The following NEK6 variants were observed in gnomAD, a reference collection of about 807,000 sequenced individuals.
NEK6 encodes the protein serine/threonine-protein kinase Nek6.
NEK6 carries 27 observed loss-of-function variants against 43.5 expected under a neutral mutation model. The observed-to-expected ratio is 0.62, with a 90% CI of 0.46 to 0.86. The LOEUF (loss-of-function observed/expected upper bound fraction) is 0.86. Ranked by LOEUF, NEK6 falls within the 40% of genes least tolerant of loss-of-function variation. The pLI, the probability that NEK6 is intolerant of heterozygous loss-of-function variation, is 0.00. For synonymous variants in NEK6, 167 were observed against 164.1 expected, an observed-to-expected ratio of 1.02 and a Z score of -0.14; for missense variants, 318 against 414.4, an observed-to-expected ratio of 0.77 and a Z score of 2.02.
chr9:124,280,093 G>A (rs1256845952), intron 1 of NEK6, among the ~76,000 whole-genome samples: 1 of 152,256 alleles, frequency 6.6e-6, no homozygotes, highest in Non-Finnish European at 1.5e-5. Flanking sequence ...GTCAGCTGGG[G>A]CCTCTCTCAC....
At chr9:124,309,433 C>T (rs1476163896) in intron 2 of NEK6, among the ~76,000 whole-genome samples, 1 of 152,212 alleles carries the variant, frequency 6.6e-6, no homozygotes, top group Non-Finnish European at 1.5e-5. Flanking sequence ...AGTAAGAAGC[C>T]TGGTCTTCCA....
intron 8 of NEK6, 81 bp downstream of exon 8, chr9:124,339,746 AG>A: frequency 9.6e-7 from 1 of 1,039,272 alleles, no homozygotes; most frequent in Non-Finnish European, 1.5e-6. Flanking sequence ...TCACCCTACC[AG>A]CTCAGGGTTG....
At position 124,342,956 on chromosome 9, in the gene NEK6, G is replaced by A. The variant is rs1051080279; in HGVS notation, c.717+3291G>A. The stretch of plus-strand genomic sequence containing the variant: ...GTGCCAGGCCCTCCACTTGAGAACC[G>A]GCCCTGTGGTTCCCAGCCCCGTTCC... On this transcript the variant is annotated intron_variant, in intron 8 of 9. Coordinates refer to ENST00000320246, the MANE Select transcript of NEK6 (RefSeq NM_014397.6). Among the ~76,000 whole-genome samples, 4 of 152,094 alleles carry A rather than the reference G, an allele frequency of 2.6e-5. No individual in the cohort carries two copies. The South Asian group carries it at 6.2e-4, about 24-fold the overall frequency.
rs769271234 is a variant in NEK6, at chr9:124,339,551, C to T, written c.623-20C>T. 9 of 1,581,048 alleles carry T rather than the reference C, an allele frequency of 5.7e-6. No individual in the cohort carries two copies. Among genetic ancestry groups the T allele is most frequent in the South Asian group, 1.1e-5 (1 of 90,388 alleles). ...GCCCTACATGGAGCATAAGCAGCCCCGCCCCTTGCTGTGTTGCAGTGGGGA... is the reference window on the plus strand; with the variant it reads ...GCCCTACATGGAGCATAAGCAGCCCTGCCCCTTGCTGTGTTGCAGTGGGGA... On this transcript the variant is annotated intron_variant, in intron 7 of 9. Coordinates refer to ENST00000320246, the MANE Select transcript of NEK6 (RefSeq NM_014397.6).
chr9:124,271,674 C>T lies in NEK6; in HGVS notation c.-30+13589C>T, dbSNP rs937169173. On this transcript the variant is annotated intron_variant, in intron 1 of 9. Transcript: ENST00000320246. ...CCCCAGAGTTAGTGCTCTTTGCACA[C>T]GAATCCCAGGCACACTGGCTGGCTG... Among the ~76,000 whole-genome samples, 5 of 152,352 alleles carry T rather than the reference C, an allele frequency of 3.3e-5. No homozygotes were observed. In the South Asian group the frequency reaches 6.2e-4, roughly 19 times the overall value.
Position 124,353,277 on chromosome 9 carries a change from C to G in NEK6, c.*2330C>G. Reference sequence around the variant, plus strand: ...GGTAGGTATCGATGGTCACCTGAAGCCTCAAGGGAGTCCACTCTGACTTCT... The same window carrying G: ...GGTAGGTATCGATGGTCACCTGAAGGCTCAAGGGAGTCCACTCTGACTTCT... On this transcript the variant is annotated 3_prime_UTR_variant, in exon 10 of 10. Transcript: ENST00000320246. 2.9e-6 allele frequency: 1 copy of G among 347,568 alleles called. No individual in the cohort carries two copies. Among genetic ancestry groups the G allele is most frequent in the Non-Finnish European group, 5.2e-6 (1 of 190,878 alleles). The allele number at this position is 347,568 out of a possible 1,614,324, so 21.5% of individuals were successfully genotyped here.
intron 1 of NEK6, among the ~76,000 whole-genome samples, chr9:124,287,432 T>A (rs1832216150): frequency 6.6e-6 from 1 of 152,190 alleles, no homozygotes; most frequent in Admixed American, 6.5e-5. Flanking sequence ...CCCCATCTCC[T>A]CATCTCAAAA....
intron 1 of NEK6, among the ~76,000 whole-genome samples, chr9:124,299,341 G>A (rs1056085548): frequency 2.0e-5 from 3 of 152,236 alleles, no homozygotes; most frequent in Admixed American, 2.0e-4. Context: ...GTCTAGGGGT[G>A]CAGCTGGAAG....
chr9:124,264,488 G>A (rs762490189), intron 1 of NEK6, among the ~76,000 whole-genome samples: 1 of 152,166 alleles, frequency 6.6e-6, no homozygotes, highest in Non-Finnish European at 1.5e-5. Context: ...CTGCTAAGAG[G>A]TACCATGTGA....
intron 2 of NEK6, among the ~76,000 whole-genome samples, chr9:124,307,207 G>A (rs990064308): frequency 2.0e-5 from 3 of 152,064 alleles, no homozygotes; most frequent in African/African-American, 7.2e-5. Flanking sequence ...GCAGGGTGGG[G>A]GGTGTTTGTG....
intron 7 of NEK6, among the ~76,000 whole-genome samples, chr9:124,329,285 AAG>A (rs1828839655): frequency 6.6e-6 from 1 of 152,094 alleles, no homozygotes; most frequent in African/African-American, 2.4e-5. Flanking sequence ...GAAGCTGTCA[AAG>A]AGAAGAGTTA....
rs967469519 is a variant in NEK6 at position 124,275,302 on chromosome 9, C to T, written c.-30+17217C>T. On this transcript the variant is annotated intron_variant, in intron 1 of 9. Transcript: ENST00000320246. The surrounding 1 kb of genome is among the most constrained non-coding windows in gnomAD (Gnocchi z 4.4). ...CATTTCATCCACGTCACTAACTTGC[C>T]GGATGTCTTTGAGTCATGGTTTCAC... 3.3e-5 allele frequency among the ~76,000 whole-genome samples: 5 copies of T among 152,196 alleles called. No individual in the cohort carries two copies. The South Asian group carries it at 8.3e-4, about 25-fold the overall frequency.
chr9:124,313,516 C>T (rs1051238543), intron 3 of NEK6, among the ~76,000 whole-genome samples: 2 of 152,066 alleles, frequency 1.3e-5, no homozygotes, highest in African/African-American at 4.8e-5. Context: ...TACAGGCGTG[C>T]ACCACCACAC....
At chr9:124,330,414 G>C (rs1393598692) in intron 7 of NEK6, among the ~76,000 whole-genome samples, 1 of 152,190 alleles carries the variant, frequency 6.6e-6, no homozygotes, top group Non-Finnish European at 1.5e-5. Context: ...GACAAATCAC[G>C]GGGCTGGGAG....
intron 1 of NEK6, among the ~76,000 whole-genome samples, chr9:124,295,054 C>G (rs1238770010): frequency 6.6e-6 from 1 of 152,198 alleles, no homozygotes; most frequent in Non-Finnish European, 1.5e-5. Context: ...GTGTGGCCCC[C>G]AATCAGCTGG....
chr9:124,260,885 C>T (rs1831005089), intron 1 of NEK6, among the ~76,000 whole-genome samples: 1 of 152,216 alleles, frequency 6.6e-6, no homozygotes, highest in Non-Finnish European at 1.5e-5. Context: ...TGGATTTGAA[C>T]CCAGGCTTGT....
In NEK6 at chr9:124,350,851, C is replaced by A; in HGVS notation, c.846C>A (p.Val282=). 4 of 1,612,588 alleles carry A rather than the reference C, an allele frequency of 2.5e-6. No individual in the cohort carries two copies. The South Asian group carries it at 4.4e-5, about 18-fold the overall frequency. ...EHYSEKLREL[V]SMCICPDPHQ... ...CTCCCCTGCAGTTACGAGAACTGGT[C>A]AGCATGTGCATCTGCCCTGACCCCC... Residue 282 remains valine, a synonymous_variant, in exon 10 of 10, where the codon GTC becomes GTA. Transcript: ENST00000320246.
chr9:124,289,815 C>G (rs971133324), intron 1 of NEK6, among the ~76,000 whole-genome samples: 1 of 152,208 alleles, frequency 6.6e-6, no homozygotes, highest in African/African-American at 2.4e-5. Context: ...GTCCAACCCA[C>G]TCATGTTGCA....
chr9:124,339,988 G>A (rs73666864), intron 8 of NEK6, among the ~76,000 whole-genome samples: 2,418 of 152,292 alleles, frequency 0.016, 61 homozygotes, highest in African/African-American at 0.055. Context: ...TTAACACACC[G>A]GCGATTCTGT....
Sources: allele counts gnomAD v4.1 joint callset (sites outside exome capture counted in the v4.1 genomes callset), GRCh38; gene constraint gnomAD v4.1.1; non-coding constraint Gnocchi (gnomAD v3.1); transcripts MANE v1.5; gene names NCBI Gene and HGNC (gene_info 2026-07-23, HGNC 2026-07-21).